Variants in STT3B observed in about 807,000 individuals in gnomAD.
STT3B encodes the protein dolichyl-diphosphooligosaccharide--protein glycosyltransferase subunit STT3B.
In STT3B, 29 loss-of-function variants were observed where a neutral mutation model predicts 96.8. The observed-to-expected ratio is 0.30, with a 90% CI of 0.22 to 0.41. The LOEUF is 0.41. Ranked by LOEUF, STT3B falls within the 10% of genes least tolerant of loss-of-function variation. The pLI is 1.00. For missense variants in STT3B, 640 were observed against 1,022.3 expected (o/e 0.63, Z 5.10); for synonymous variants, 367 against 360.0 (o/e 1.02, Z -0.22).
intron 2 of STT3B, among the ~76,000 whole-genome samples, chr3:31,578,015 T>C (rs1402064319): frequency 1.3e-5 from 2 of 152,250 alleles, no homozygotes; most frequent in East Asian, 3.9e-4. Context: ...TTTTAGGGGT[T>C]TCACTGGTTT....
In STT3B at chr3:31,629,384, G is replaced by A; in HGVS notation, c.2160G>A (p.Met720Ile). Residue 720 changes from methionine (M) to isoleucine (I), a missense_variant, in exon 14 of 16, where the codon ATG becomes ATA. Met to Ile is a conservative substitution (Grantham distance 10). Coordinates refer to ENST00000295770, the MANE Select transcript of STT3B (RefSeq NM_178862.3). ...TGTTGAATTGCCTTATGTATAAAAT[G>A]TCATACTACAGATTTGGAGAAATGC... The part of the protein sequence containing the change: ...PTLLNCLMYK[M>I]SYYRFGEMQL... 3 of 1,599,956 alleles carry A rather than the reference G, an allele frequency of 1.9e-6. No individual in the cohort carries two copies. Among genetic ancestry groups the A allele is most frequent in the South Asian group, 1.1e-5 (1 of 89,048 alleles).
intron 14 of STT3B, among the ~76,000 whole-genome samples, chr3:31,630,275 C>G (rs957462423): frequency 4.6e-5 from 7 of 152,206 alleles, no homozygotes; most frequent in Admixed American, 6.5e-5. Flanking sequence ...CTCTAAGACT[C>G]TTATCAGCCC....
intron 14 of STT3B, among the ~76,000 whole-genome samples, chr3:31,630,542 A>G (rs1190515567): frequency 6.6e-6 from 1 of 152,190 alleles, no homozygotes; most frequent in Non-Finnish European, 1.5e-5. Context: ...CGAACGTCTT[A>G]ATAAATTTGT....
At chr3:31,620,057 C>CT in intron 9 of STT3B, 1 of 1,080,924 alleles carries the variant, frequency 9.3e-7, no homozygotes, top group Non-Finnish European at 1.2e-6. Flanking sequence ...GGCGGATCAC[C>CT]TGAGGTCAGG....
rs758947705 is a variant in STT3B, at chr3:31,579,993, G to C, written c.608G>C (p.Cys203Ser). ...CAAGGAGCAGGACTTTTAGCTGCTT[G>C]TTTTATTGCTATTGTACCAGGCTAC... ...WNQGAGLLAA[C>S]FIAIVPGYIS... The change falls in exon 3 of 16, where the codon TGT (cysteine) becomes TCT (serine). Residue 203 changes from cysteine to serine, a missense_variant. This residue lies in a region of STT3B where 267 missense variants were observed against 388.3 expected (regional missense o/e 0.69). Transcript: ENST00000295770. The C allele has an allele frequency of 6.2e-7, 1 of 1,613,818 alleles. No individual in the cohort carries two copies. The highest frequency in any genetic ancestry group is 1.1e-5 in the South Asian group (1 of 91,066).
chr3:31,626,189 C>CA, intron 13 of STT3B, 62 bp downstream of exon 13: 1 of 1,418,522 alleles, frequency 7.0e-7, no homozygotes, highest in Non-Finnish European at 9.8e-7. Context: ...GTAATTCTCT[C>CA]ATCTTGCTAA....
At chr3:31,623,591 GTC>G in intron 10 of STT3B, 81 bp from the exon 11 acceptor site, 1 of 1,017,230 alleles carries the variant, frequency 9.8e-7, no homozygotes, top group Non-Finnish European at 1.4e-6. Flanking sequence ...TAGATAAACA[GTC>G]TCTCAACTTT....
chr3:31,606,823 C>T (rs1699064244), intron 5 of STT3B, among the ~76,000 whole-genome samples: 1 of 152,194 alleles, frequency 6.6e-6, no homozygotes, highest in South Asian at 2.1e-4. Flanking sequence ...ACAGCTTGCA[C>T]CATGCGCCTA....
Position 31,600,343 on chromosome 3 carries a change from C to A in STT3B, c.778-17C>A, listed in dbSNP as rs11705765. 76,122 of 1,133,546 alleles carry A rather than the reference C, an allele frequency of 0.067. 2,986 individuals are homozygous for A. Among genetic ancestry groups the A allele is most frequent in the South Asian group, 0.083 (5,479 of 66,342 alleles). The allele number at this position is 1,133,546 out of a possible 1,614,324, so 70.2% of individuals were successfully genotyped here. On this transcript the variant is annotated splice_polypyrimidine_tract_variant and intron_variant, in intron 4 of 15. Transcript: ENST00000295770. The stretch of plus-strand genomic sequence containing the variant: ...AAGTAAAAATATATATTTAACTTAG[C>A]ACTTCTTTTCCTATAGGTCTCTGCT...
At chr3:31,589,447 T>G (rs1698617281) in intron 3 of STT3B, among the ~76,000 whole-genome samples, 1 of 152,018 alleles carries the variant, frequency 6.6e-6, no homozygotes, top group African/African-American at 2.4e-5. Context: ...TTTTCTTGTC[T>G]TATTGCATTT....
rs1699751767 is a variant in STT3B, at chr3:31,636,189, A to G, written c.*125A>G. 8 of 664,018 alleles carry G rather than the reference A, an allele frequency of 1.2e-5. No homozygotes were observed. The highest frequency in any genetic ancestry group is 6.3e-5 in the East Asian group (2 of 31,972). 41.1% of individuals were successfully genotyped at this position (664,018 alleles called of 1,614,324 possible). On this transcript the variant is annotated 3_prime_UTR_variant, in exon 16 of 16. Coordinates refer to ENST00000295770, the MANE Select transcript of STT3B (RefSeq NM_178862.3). ...CATCACTGGTCCAGGTTAATGTACA[A>G]AATTTTCTGGCAATGCCTGATTAAA... is the stretch of plus-strand genomic sequence containing the variant.
intron 3 of STT3B, among the ~76,000 whole-genome samples, chr3:31,584,592 G>A (rs1443604187): frequency 1.3e-5 from 2 of 152,070 alleles, no homozygotes; most frequent in African/African-American, 4.8e-5. Flanking sequence ...AGAAATTATA[G>A]ATATCATTGC....
chr3:31,621,564 T>G (rs1319429479), intron 9 of STT3B, among the ~76,000 whole-genome samples: 1 of 152,250 alleles, frequency 6.6e-6, no homozygotes, highest in African/African-American at 2.4e-5. Flanking sequence ...GTTAGCACAT[T>G]ATCCAGAAAG....
intron 13 of STT3B, 57 bp from the exon 14 acceptor site, chr3:31,629,239 CTG>C (rs1553608912): frequency 2.1e-6 from 2 of 936,168 alleles, no homozygotes; most frequent in Non-Finnish European, 3.4e-6. Flanking sequence ...AAAGAGGAAA[CTG>C]TAGCTTTGAA....
At chr3:31,610,866 C>T (rs2125469377) in intron 5 of STT3B, among the ~76,000 whole-genome samples, 1 of 152,174 alleles carries the variant, frequency 6.6e-6, no homozygotes, top group Non-Finnish European at 1.5e-5. Context: ...TTATCATCTC[C>T]AGTAATGAAT....
chr3:31,633,574 G>A (rs1255081433), intron 15 of STT3B, among the ~76,000 whole-genome samples: 2 of 151,928 alleles, frequency 1.3e-5, no homozygotes, highest in African/African-American at 4.8e-5. Context: ...GGTTGGGTGA[G>A]TCCTTCTGAA....
chr3:31,552,357 T>A (rs944374721), intron 1 of STT3B, among the ~76,000 whole-genome samples: 1 of 152,158 alleles, frequency 6.6e-6, no homozygotes, highest in African/African-American at 2.4e-5. Flanking sequence ...TGATTCTAGT[T>A]TAGTGAGGGA....
At chr3:31,634,833 T>G (rs563217351) in intron 15 of STT3B, among the ~76,000 whole-genome samples, 1 of 152,276 alleles carries the variant, frequency 6.6e-6, no homozygotes, top group South Asian at 2.1e-4. Context: ...GTAATTATAA[T>G]AAAGAAACTA....
intron 1 of STT3B, among the ~76,000 whole-genome samples, chr3:31,544,963 T>A (rs1697367305): frequency 1.3e-5 from 2 of 152,128 alleles, no homozygotes; most frequent in East Asian, 3.8e-4. Context: ...ACATTGCATA[T>A]GCTCTTAATT....
Sources: gnomAD v4.1 joint callset for allele counts (sites outside exome capture counted in the v4.1 genomes callset) on GRCh38, gnomAD v4.1.1 for gene constraint, gnomAD v4.1.1 regional missense constraint, MANE v1.5 for transcripts, NCBI Gene and HGNC (gene_info 2026-07-23, HGNC 2026-07-21) for gene names.